Variants in INTS15 observed in about 807,000 individuals in gnomAD.
INTS15 encodes integrator complex subunit 15.
the INTS15 span, among the ~76,000 whole-genome samples, chr7:6,591,347 A>G: frequency 2.0e-5 from 3 of 150,224 alleles, no homozygotes; most frequent in African/African-American, 4.9e-5. Context: ...GCTCACTGCA[A>G]CCTCCGCCTC....
At chr7:6,598,885 C>G in the INTS15 span, among the ~76,000 whole-genome samples, 1 of 151,316 alleles carries the variant, frequency 6.6e-6, no homozygotes, top group Admixed American at 6.6e-5. Flanking sequence ...CTCCCAGTAT[C>G]AAGTGATCCT....
At chr7:6,601,041 C>T in the INTS15 span, among the ~76,000 whole-genome samples, 2 of 152,116 alleles carry the variant, frequency 1.3e-5, no homozygotes, top group Non-Finnish European at 2.9e-5. Flanking sequence ...GATCGTAGCT[C>T]GCCACAGTCT....
chr7:6,604,465 T>A, the INTS15 span, among the ~76,000 whole-genome samples: 1 of 152,018 alleles, frequency 6.6e-6, no homozygotes, highest in African/African-American at 2.4e-5. Context: ...TTTATAGAAA[T>A]GACAAAGTGA....
chr7:6,599,729 G>T, the INTS15 span: 2 of 1,139,340 alleles, frequency 1.8e-6, no homozygotes, highest in Non-Finnish European at 1.3e-6. Flanking sequence ...CCATCAGGTG[G>T]GCAGTGCCAT....
At chr7:6,599,303 C>G in the INTS15 span, among the ~76,000 whole-genome samples, 6 of 152,146 alleles carry the variant, frequency 3.9e-5, no homozygotes, top group African/African-American at 1.2e-4. Context: ...GGGATCACAT[C>G]TCTGAGGGTT....
At chr7:6,602,262 A>T in the INTS15 span, 1 of 739,316 alleles carries the variant, frequency 1.4e-6, no homozygotes, top group Non-Finnish European at 2.2e-6. Flanking sequence ...CATGATGATA[A>T]GTGGAGCATC....
the INTS15 span, chr7:6,602,518 G>A: frequency 2.9e-5 from 11 of 382,312 alleles, no homozygotes; most frequent in African/African-American, 1.3e-4. Flanking sequence ...AGCTGCCAGC[G>A]CTTGGCCATC....
chr7:6,598,781 G>GTGTGTGTA, the INTS15 span, among the ~76,000 whole-genome samples: 3 of 96,024 alleles, frequency 3.1e-5, no homozygotes, highest in East Asian at 7.2e-4. Flanking sequence ...GTGTGTGTGT[G>GTGTGTGTA]TGTGTATTTT....
At chr7:6,591,852 T>C in the INTS15 span, 4 of 1,613,820 alleles carry the variant, frequency 2.5e-6, no homozygotes, top group Non-Finnish European at 3.4e-6. Flanking sequence ...TGGAGTGTGC[T>C]GCCTCCTGGC....
the INTS15 span, chr7:6,590,480 G>A: frequency 4.1e-5 from 64 of 1,568,114 alleles, no homozygotes; most frequent in Admixed American, 2.2e-4. Context: ...CCCAAGGTGC[G>A]GCCTGAGACG....
the INTS15 span, chr7:6,607,975 G>A: frequency 6.2e-7 from 1 of 1,600,052 alleles, no homozygotes; most frequent in Non-Finnish European, 8.5e-7. This position sits in a 1 kb window ranked among gnomAD's most constrained non-coding sequence, Gnocchi z 6.0. Context: ...TCCAGCTGGT[G>A]ATCTCGGGTC....
the INTS15 span, chr7:6,608,553 CCTT>C: frequency 2.7e-6 from 3 of 1,099,300 alleles, no homozygotes; most frequent in Middle Eastern, 4.2e-4. Flanking sequence ...AAAGTGGGCT[CCTT>C]CTGCAGCCCC....
chr7:6,594,590 C>T, the INTS15 span: 10 of 1,613,936 alleles, frequency 6.2e-6, no homozygotes, highest in Non-Finnish European at 8.5e-6. Flanking sequence ...CGCTCTATGA[C>T]CTGTCATCAG....
At chr7:6,600,302 C>T in the INTS15 span, 5 of 1,614,072 alleles carry the variant, frequency 3.1e-6, no homozygotes, top group East Asian at 2.2e-5. Context: ...GCTGGACCGG[C>T]TGGCGCAGGC....
the INTS15 span, chr7:6,607,665 G>A: frequency 6.6e-7 from 1 of 1,508,082 alleles, no homozygotes. This position sits in a 1 kb window ranked among gnomAD's most constrained non-coding sequence, Gnocchi z 6.0. Flanking sequence ...CAGCGCAGCA[G>A]AGAGCCGCAG....
chr7:6,600,919 G>A, the INTS15 span, among the ~76,000 whole-genome samples: 2 of 152,092 alleles, frequency 1.3e-5, no homozygotes, highest in African/African-American at 4.8e-5. Flanking sequence ...TTACAGGCAT[G>A]AGCCACCGTG....
At chr7:6,604,274 G>T in the INTS15 span, among the ~76,000 whole-genome samples, 1 of 152,110 alleles carries the variant, frequency 6.6e-6, no homozygotes, top group Non-Finnish European at 1.5e-5. Context: ...GTTTCATACC[G>T]ATGCAGTTAC....
At chr7:6,598,000 T>C in the INTS15 span, among the ~76,000 whole-genome samples, 1 of 152,182 alleles carries the variant, frequency 6.6e-6, no homozygotes, top group Non-Finnish European at 1.5e-5. Context: ...TGAGGACTCA[T>C]GAAGCGAACA....
At chr7:6,596,324 G>C in the INTS15 span, among the ~76,000 whole-genome samples, 2 of 150,026 alleles carry the variant, frequency 1.3e-5, no homozygotes, top group African/African-American at 4.9e-5. Flanking sequence ...AAAGTGCTGG[G>C]ATTACAGGCG....
Sources: allele counts gnomAD v4.1 joint callset (sites outside exome capture counted in the v4.1 genomes callset), GRCh38; gene constraint gnomAD v4.1.1; non-coding constraint Gnocchi (gnomAD v3.1); transcripts MANE v1.5; gene names NCBI Gene and HGNC (gene_info 2026-07-23, HGNC 2026-07-21).